Variants in GLT1D1 observed in about 807,000 individuals in gnomAD.
GLT1D1 encodes glycosyltransferase 1 domain-containing protein 1.
Under a neutral mutation model 28.7 loss-of-function variants are expected in GLT1D1, and 21 were observed. That is an observed-to-expected ratio of 0.73 (90% CI 0.52 to 1.05). The LOEUF (loss-of-function observed/expected upper bound fraction) is 1.05, where lower values mean the gene tolerates loss of function less well. Among genes scored for constraint, GLT1D1 ranks in the 50% least tolerant of loss-of-function variants. The pLI is 0.00. For synonymous variants in GLT1D1, 147 were observed against 124.8 expected (o/e 1.18, Z -1.19); for missense variants, 343 against 330.6 (o/e 1.04, Z -0.29).
rs543564199 is a variant in GLT1D1, at chr12:128,897,182, T to G, written c.324-2054T>G. ...TTTCACTTTTCCTCACATTTTATGG[T>G]CCCTTATATTTGCTCTCACGTGAAC... On this transcript the variant is annotated intron_variant, in intron 3 of 7. Transcript: ENST00000281703. 1.5e-4 allele frequency among the ~76,000 whole-genome samples: 23 copies of G among 152,334 alleles called. 1 individual carries two copies. In the South Asian group the frequency reaches 4.8e-3, roughly 32 times the overall value.
At chr12:128,866,905 GCCA>G (rs1956543399) in intron 1 of GLT1D1, among the ~76,000 whole-genome samples, 1 of 151,820 alleles carries the variant, frequency 6.6e-6, no homozygotes, top group South Asian at 2.1e-4. Flanking sequence ...ACAGGCATGA[GCCA>G]CTGCGCCAGC....
chr12:128,973,869 T>C (rs1425811499), intron 7 of GLT1D1, among the ~76,000 whole-genome samples: 1 of 148,584 alleles, frequency 6.7e-6, no homozygotes, highest in African/African-American at 2.5e-5. Context: ...GGCTCCCAGG[T>C]TTCCCGTGTG....
chr12:128,917,002 A>G (rs1019339993), intron 4 of GLT1D1, among the ~76,000 whole-genome samples: 9 of 152,098 alleles, frequency 5.9e-5, no homozygotes, highest in African/African-American at 2.2e-4. Context: ...AAGATTATAA[A>G]TCCATCTGAA....
chr12:128,907,433 G>A (rs1469666697), intron 4 of GLT1D1, among the ~76,000 whole-genome samples: 1 of 151,666 alleles, frequency 6.6e-6, no homozygotes, highest in Non-Finnish European at 1.5e-5. Flanking sequence ...AGCCTCCCGA[G>A]TAGCTGGGAC....
chr12:128,959,259 G>T (rs1186256638), intron 7 of GLT1D1, among the ~76,000 whole-genome samples: 1 of 151,464 alleles, frequency 6.6e-6, no homozygotes, highest in East Asian at 1.9e-4. Flanking sequence ...TGAATATTCA[G>T]TTTTTAAGAT....
At chr12:128,874,082 TTCTTTCTTTCTTTCTTTCTCTCTCTCTC>T (rs1249445736) in intron 1 of GLT1D1, among the ~76,000 whole-genome samples, 22 of 14,796 alleles carry the variant, frequency 1.5e-3, no homozygotes, top group African/African-American at 3.7e-3. Context: ...CTTTCTTTCT[TTCTTTCTTTCTTTCTTTCTCTCTCTCTC>T]TCTCTCTCTC....
intron 7 of GLT1D1, among the ~76,000 whole-genome samples, chr12:128,978,055 G>A (rs757122717): frequency 3.3e-5 from 5 of 151,812 alleles, no homozygotes; most frequent in Non-Finnish European, 7.4e-5. Context: ...AAAATGCTGG[G>A]TTTACAGGCA....
chr12:128,967,074 C>G (rs1184461430), intron 7 of GLT1D1, among the ~76,000 whole-genome samples: 1 of 152,120 alleles, frequency 6.6e-6, no homozygotes, highest in Non-Finnish European at 1.5e-5. Context: ...ATACACTGTC[C>G]CAGGGTCAGA....
At chr12:128,930,473 G>GGTGCAGATGGC (rs1873739653) in intron 4 of GLT1D1, 2 of 152,218 alleles carry the variant, frequency 1.3e-5, no homozygotes, top group African/African-American at 4.8e-5. Flanking sequence ...TATAAGCAGT[G>GGTGCAGATGGC]GTGCAGATGG....
At chr12:128,963,508 T>C in intron 7 of GLT1D1, among the ~76,000 whole-genome samples, 1 of 152,040 alleles carries the variant, frequency 6.6e-6, no homozygotes, top group Non-Finnish European at 1.5e-5. Context: ...TAGCCAGGCA[T>C]AGTGGTGGGC....
intron 7 of GLT1D1, among the ~76,000 whole-genome samples, chr12:128,967,953 T>C (rs1456925350): frequency 1.3e-5 from 2 of 152,220 alleles, no homozygotes; most frequent in East Asian, 3.9e-4. Flanking sequence ...ACAAAGCATG[T>C]GTGAACTACA....
Position 128,983,076 on chromosome 12 carries a change from A to G in GLT1D1, c.787A>G (p.Ser263Gly). The change falls in exon 8 of 8, where the codon AGC becomes GGC. Residue 263 changes from serine to glycine, a missense_variant. Transcript: ENST00000281703. This position sits in a 1 kb window ranked among gnomAD's most constrained non-coding sequence, Gnocchi z 4.7. ...ACAGCTCATCAGGAAGCTGGAAGGA[A>G]GCACTGAAGATTGAGGGCCCCGCCT... 1.2e-6 allele frequency: 2 copies of G among 1,614,028 alleles called. No individual in the cohort carries two copies. Among genetic ancestry groups the G allele is most frequent in the Non-Finnish European group, 1.7e-6 (2 of 1,180,000 alleles).
At chr12:128,910,487 G>A (rs1475861117) in intron 4 of GLT1D1, among the ~76,000 whole-genome samples, 2 of 152,008 alleles carry the variant, frequency 1.3e-5, no homozygotes, top group East Asian at 3.9e-4. Flanking sequence ...GTTCTATTGT[G>A]AGTGCTTTAC....
At chr12:128,965,255 T>C (rs1364226564) in intron 7 of GLT1D1, among the ~76,000 whole-genome samples, 1 of 152,174 alleles carries the variant, frequency 6.6e-6, no homozygotes, top group Admixed American at 6.5e-5. Context: ...TGTGGAGGGA[T>C]CCACATGGCA....
intron 4 of GLT1D1, 131 bp downstream of exon 7, chr12:128,926,585 T>G: frequency 1.8e-6 from 1 of 550,684 alleles, no homozygotes. Context: ...GTTTCTAGAT[T>G]GCTACTTTGG....
At chr12:128,856,254 T>G (rs1177032024) in intron 1 of GLT1D1, among the ~76,000 whole-genome samples, 1 of 152,194 alleles carries the variant, frequency 6.6e-6, no homozygotes, top group Non-Finnish European at 1.5e-5. Flanking sequence ...CGGTCTTGGC[T>G]GGCTTCTTTA....
intron 7 of GLT1D1, among the ~76,000 whole-genome samples, chr12:128,964,407 T>C (rs1878254711): frequency 6.6e-6 from 1 of 152,240 alleles, no homozygotes; most frequent in African/African-American, 2.4e-5. Context: ...CACCAATCTT[T>C]CCATCCTCAT....
At chr12:128,943,362 T>C (rs1294719895) in intron 4 of GLT1D1, among the ~76,000 whole-genome samples, 12 of 152,180 alleles carry the variant, frequency 7.9e-5, no homozygotes, top group Admixed American at 7.2e-4. Context: ...TCTCTTTTTT[T>C]TTTTTGGCAG....
At chr12:128,921,017 G>C (rs1872613083) in intron 4 of GLT1D1, among the ~76,000 whole-genome samples, 1 of 152,136 alleles carries the variant, frequency 6.6e-6, no homozygotes, top group South Asian at 2.1e-4. Flanking sequence ...GCTGTCAGGG[G>C]CTTTAGGGAG....
Sources: allele counts gnomAD v4.1 joint callset (sites outside exome capture counted in the v4.1 genomes callset), GRCh38; gene constraint gnomAD v4.1.1; non-coding constraint Gnocchi (gnomAD v3.1); transcripts MANE v1.5; gene names NCBI Gene and HGNC (gene_info 2026-07-23, HGNC 2026-07-21).